PDIA4: variants seen among roughly 807,000 people sequenced by gnomAD.
The protein encoded by PDIA4 is protein disulfide-isomerase A4.
A neutral mutation model predicts 62.1 loss-of-function variants in PDIA4; 33 were observed. The ratio of observed to expected loss-of-function variants is 0.53; its 90% CI spans 0.40 to 0.71. PDIA4 has a LOEUF of 0.71. Among genes scored for constraint, PDIA4 ranks in the 30% least tolerant of loss-of-function variants. The pLI is 0.00. For missense variants in PDIA4, 804 were observed against 813.6 expected (o/e 0.99, Z 0.14); for synonymous variants, 341 against 324.1 (o/e 1.05, Z -0.56).
chr7:149,021,837 T>C (rs1347845983), intron 1 of PDIA4, among the ~76,000 whole-genome samples: 1 of 152,140 alleles, frequency 6.6e-6, no homozygotes, highest in Non-Finnish European at 1.5e-5. Context: ...TACTTCCTTG[T>C]ACCACCCTCT....
Position 149,004,525 on chromosome 7 carries a change from G to GA in PDIA4, c.1523-317_1523-316insT, listed in dbSNP as rs202141607. 1.2e-3 allele frequency among the ~76,000 whole-genome samples: 185 copies of GA among 152,376 alleles called. 1 individual carries two copies. The highest frequency in any genetic ancestry group is 4.2e-3 in the African/African-American group (175 of 41,596). On this transcript the variant is annotated intron_variant, in intron 9 of 9. Transcript: ENST00000652332. ...ACTGAGGGCCCGGGAGCCATGGGGGGGAGGTGCCAGGACAACCCACAGACA... is the reference window on the plus strand; with the variant it reads ...ACTGAGGGCCCGGGAGCCATGGGGGGAGAGGTGCCAGGACAACCCACAGACA...
chr7:149,012,443 T>C, intron 4 of PDIA4, 83 bp from the exon 5 acceptor site: 15 of 1,200,944 alleles, frequency 1.2e-5, no homozygotes, highest in Non-Finnish European at 1.8e-5. Flanking sequence ...AAACCCATCC[T>C]GTGCTCCCTA....
chr7:149,015,324 T>C (rs1824091279), intron 3 of PDIA4, among the ~76,000 whole-genome samples: 2 of 152,098 alleles, frequency 1.3e-5, no homozygotes, highest in African/African-American at 2.4e-5. Context: ...TCCTTTACCA[T>C]CAGGCTATGG....
chr7:149,024,815 A>T (rs1364222873), intron 1 of PDIA4, among the ~76,000 whole-genome samples: 217 of 10,314 alleles, frequency 0.021, 1 homozygote, highest in African/African-American at 0.029. Flanking sequence ...ACTGTCATTT[A>T]AAAAAAAAAA....
chr7:149,014,347 G>T (rs1824054189), intron 4 of PDIA4, among the ~76,000 whole-genome samples: 1 of 151,996 alleles, frequency 6.6e-6, no homozygotes, highest in Non-Finnish European at 1.5e-5. Flanking sequence ...GTGGCCTGAT[G>T]GTCAGACATA....
chr7:149,022,996 C>G (rs75650023), intron 1 of PDIA4, among the ~76,000 whole-genome samples: 1 of 152,136 alleles, frequency 6.6e-6, no homozygotes, highest in Admixed American at 6.5e-5. Flanking sequence ...CCTCTTTTGT[C>G]GGAGGAGGGA....
intron 4 of PDIA4, among the ~76,000 whole-genome samples, chr7:149,014,553 C>T (rs1824063562): frequency 6.6e-6 from 1 of 151,240 alleles, no homozygotes; most frequent in South Asian, 2.1e-4. Context: ...GGTTGTGCGT[C>T]CCTCCCCTCC....
intron 9 of PDIA4, 25 bp from the exon 10 acceptor site, chr7:149,004,234 G>C (rs759625656): frequency 4.4e-6 from 7 of 1,597,964 alleles, no homozygotes; most frequent in Non-Finnish European, 4.3e-6. Flanking sequence ...AAGGCGGGAG[G>C]GGGCGTCAGT....
intron 4 of PDIA4, 37 bp from the exon 5 acceptor site, chr7:149,012,397 T>C: frequency 1.9e-6 from 3 of 1,545,344 alleles, no homozygotes; most frequent in Non-Finnish European, 2.7e-6. Context: ...GGGCTCATTC[T>C]AGTGTGGACT....
At position 149,021,092 on chromosome 7, in the gene PDIA4, ATCT is replaced by A. The variant is rs768398170; in HGVS notation, c.141_143del (p.Glu47del). 2 of 1,612,040 alleles carry A rather than the reference ATCT, an allele frequency of 1.2e-6. No individual in the cohort carries two copies. The highest frequency in any genetic ancestry group is 3.3e-5 in the Admixed American group (2 of 59,864). On this transcript the variant is annotated inframe_deletion, in exon 2 of 10. Transcript: ENST00000652332. ...CCAAGTCGTCTTCTTCCTCATCATC[ATCT>A]TCCTCCTCCTCCTCCTCTTCATCCT...
intron 9 of PDIA4, among the ~76,000 whole-genome samples, chr7:149,004,522 G>C (rs755965937): frequency 4.6e-5 from 7 of 152,256 alleles, no homozygotes; most frequent in South Asian, 2.1e-4. Context: ...GGAGCCATGG[G>C]GGGGAGGTGC....
intron 3 of PDIA4, among the ~76,000 whole-genome samples, chr7:149,018,502 G>C (rs1217098255): frequency 1.3e-5 from 2 of 151,896 alleles, no homozygotes; most frequent in Admixed American, 1.3e-4. Context: ...CACAATCTCA[G>C]CTCACCGCAA....
Position 149,004,013 on chromosome 7 carries a change from C to G in PDIA4, c.1719G>C (p.Lys573Asn). ...TGGCGATGACCAGGCCCTTTTGGCC[C>G]TTGTACTTCTTGGCCAGGCTGTTGT... ...PVYNSLAKKYKGQKGLVIAKM... is the reference protein window; with the variant it reads ...PVYNSLAKKYNGQKGLVIAKM... The change falls in exon 10 of 10, where the codon AAG becomes AAC. Residue 573 changes from lysine (K) to asparagine (N), a missense_variant. Coordinates refer to ENST00000652332, the MANE Select transcript of PDIA4 (RefSeq NM_004911.5). The G allele has an allele frequency of 6.2e-7, 1 of 1,614,228 alleles. No homozygotes were observed. The highest frequency in any genetic ancestry group is 2.2e-5 in the East Asian group (1 of 44,890).
At chr7:149,025,047 A>G in intron 1 of PDIA4, among the ~76,000 whole-genome samples, 1 of 140,836 alleles carries the variant, frequency 7.1e-6, no homozygotes, top group Non-Finnish European at 1.5e-5. Context: ...TCCAGCCTGG[A>G]CAACAAGAGT....
chr7:149,008,075 G>T, intron 7 of PDIA4, 84 bp downstream of exon 7: 1 of 1,331,174 alleles, frequency 7.5e-7, no homozygotes. Context: ...AAACCTCCAC[G>T]TTTGAAACCT....
At chr7:149,010,167 G>A (rs1407524973) in intron 6 of PDIA4, among the ~76,000 whole-genome samples, 4 of 152,102 alleles carry the variant, frequency 2.6e-5, no homozygotes, top group Admixed American at 1.3e-4. Context: ...CGAGCCACAG[G>A]CCCTTCTCTG....
rs1563118825 is a variant in PDIA4 at position 149,005,393 on chromosome 7, C to T, written c.1289-19G>A. 1.3e-6 allele frequency: 2 copies of T among 1,565,328 alleles called. No individual in the cohort carries two copies. Among genetic ancestry groups the T allele is most frequent in the Non-Finnish European group, 1.8e-6 (2 of 1,135,688 alleles). The stretch of plus-strand genomic sequence containing the variant: ...TGAGTTGCTGAAAGGGACCAAGGGC[C>T]ATAAGCCAGGCGGCCACACAGAGCA... On this transcript the variant is annotated intron_variant, in intron 8 of 9. Transcript: ENST00000652332.
rs1399024719 is a variant in PDIA4 at position 149,028,419 on chromosome 7, G to A, written c.-11C>T. 42 of 1,484,170 alleles carry A rather than the reference G, an allele frequency of 2.8e-5. No individual in the cohort carries two copies. The highest frequency in any genetic ancestry group is 3.5e-5 in the Non-Finnish European group (39 of 1,116,374). 91.9% of individuals were successfully genotyped at this position (1,484,170 alleles called of 1,614,324 possible). The stretch of plus-strand genomic sequence containing the variant: ...TTTCCGGGGCCTCATGGTAGCGGGG[G>A]CGGAGCGCGGCCTCCTAGCGTCGGC... On this transcript the variant is annotated 5_prime_UTR_variant, in exon 1 of 10. Coordinates refer to ENST00000652332, the MANE Select transcript of PDIA4 (RefSeq NM_004911.5).
Position 149,012,333 on chromosome 7 carries a change from G to A in PDIA4, c.642C>T (p.Pro214=), listed in dbSNP as rs567468691. The A allele has an allele frequency of 6.2e-6, 10 of 1,613,500 alleles. No homozygotes were observed. Among genetic ancestry groups the A allele is most frequent in the Middle Eastern group, 3.6e-4 (2 of 5,584 alleles). ...GCTCCTTGGCGGCCTTCTCATACTCGGGGGCAAGTTTCTTGCAGTGTCCAC... is the reference window on the plus strand; with the variant it reads ...GCTCCTTGGCGGCCTTCTCATACTCAGGGGCAAGTTTCTTGCAGTGTCCAC... ...PWCGHCKKLA[P]EYEKAAKELS... The change falls in exon 5 of 10, where the codon CCC becomes CCT. Residue 214 remains proline (P), a synonymous_variant. Coordinates refer to ENST00000652332, the MANE Select transcript of PDIA4 (RefSeq NM_004911.5).
Sources: gnomAD v4.1 joint callset for allele counts (sites outside exome capture counted in the v4.1 genomes callset) on GRCh38, gnomAD v4.1.1 for gene constraint, MANE v1.5 for transcripts, NCBI Gene and HGNC (gene_info 2026-07-23, HGNC 2026-07-21) for gene names.